Variants in RTN4 observed in about 807,000 individuals in gnomAD.
The protein encoded by RTN4 is reticulon 4, also known as reticulon-4.
RTN4 carries 32 observed loss-of-function variants against 90.4 expected under a neutral mutation model. That is an observed-to-expected ratio of 0.35 (90% CI 0.27 to 0.48). The LOEUF is 0.48. RTN4 is among the 20% of genes least tolerant of loss of function. The probability of loss-of-function intolerance (pLI) is 0.99; values close to 1 mark genes in which losing one functional copy is unlikely to be tolerated. For missense variants in RTN4, 1,706 were observed against 1,430.2 expected (o/e 1.19, Z -3.11); for synonymous variants, 629 against 552.5 (o/e 1.14, Z -1.94).
chr2:54,987,605 A>G lies in RTN4; in HGVS notation c.3107T>C (p.Ile1036Thr). ...FLLLSLTVFS[I>T]VSVTAYIALA... is the part of the protein sequence containing the mutation. ...GGCAATGTAGGCTGTTACGCTCACA[A>G]TGCTGAATACTGTCAATGAAAGCAG... The change falls in exon 4 of 9, where the codon ATT becomes ACT. Residue 1036 changes from isoleucine (I) to threonine (T), a missense_variant. By Grantham distance (89) the Ile-to-Thr change is moderately conservative. Transcript: ENST00000337526. The G allele has an allele frequency of 6.2e-7, 1 of 1,614,142 alleles. No individual in the cohort carries two copies. The highest frequency in any genetic ancestry group is 8.5e-7 in the Non-Finnish European group (1 of 1,179,964).
chr2:55,063,452 A>G (rs1668335672), intron 2 of RTN4, among the ~76,000 whole-genome samples: 1 of 152,148 alleles, frequency 6.6e-6, no homozygotes, highest in South Asian at 2.1e-4. Context: ...CTGGAACTTA[A>G]TGACACCAGA....
intron 2 of RTN4, among the ~76,000 whole-genome samples, chr2:55,059,037 A>G (rs923711425): frequency 6.6e-6 from 1 of 152,068 alleles, no homozygotes; most frequent in Admixed American, 6.6e-5. Flanking sequence ...AGGTAGTGTG[A>G]TACCTAGAGA....
intron 1 of RTN4, among the ~76,000 whole-genome samples, chr2:55,107,403 C>CAAAAAAAAAAA (rs35664699): frequency 9.9e-6 from 1 of 101,234 alleles, no homozygotes; most frequent in Non-Finnish European, 1.9e-5. Context: ...GACTGAACCT[C>CAAAAAAAAAAA]AAAAAAAAAA....
the RTN4 span, among the ~76,000 whole-genome samples, chr2:55,136,648 T>C: frequency 6.6e-6 from 1 of 152,252 alleles, no homozygotes; most frequent in Non-Finnish European, 1.5e-5. Flanking sequence ...CATTCACCTC[T>C]TGCTGGGCAT....
At chr2:55,070,863 G>C (rs1431568252) in intron 2 of RTN4, among the ~76,000 whole-genome samples, 1 of 151,646 alleles carries the variant, frequency 6.6e-6, no homozygotes, top group Non-Finnish European at 1.5e-5. Context: ...TGCAAGCTCT[G>C]TCTCCCGGGT....
At chr2:55,006,592 A>C (rs965863546) in intron 3 of RTN4, among the ~76,000 whole-genome samples, 2 of 152,166 alleles carry the variant, frequency 1.3e-5, no homozygotes, top group African/African-American at 4.8e-5. Context: ...ATTGAGTTTT[A>C]ATGCTAGGAA....
chr2:55,042,168 T>G (rs1261490693), intron 1 of RTN4, among the ~76,000 whole-genome samples: 1 of 152,170 alleles, frequency 6.6e-6, no homozygotes, highest in African/African-American at 2.4e-5. Context: ...AGGGAAAAGG[T>G]ACCTTAACAG....
rs1678232339 is a variant in RTN4, at chr2:54,982,627, A to G, written c.3248T>C (p.Ile1083Thr). 6.2e-7 allele frequency: 1 copy of G among 1,610,970 alleles called. No individual in the cohort carries two copies. The highest frequency in any genetic ancestry group is 1.7e-5 in the Admixed American group (1 of 59,466). ...FRAYLESEVA[I>T]SEELVQKYSN... Reference sequence around the variant, plus strand: ...GTACTTCTGAACCAACTCCTCAGATATAGCAACTTCAGATTCCAGATATGC... The same window carrying G: ...GTACTTCTGAACCAACTCCTCAGATGTAGCAACTTCAGATTCCAGATATGC... Residue 1083 changes from isoleucine to threonine, a missense_variant, in exon 5 of 9, where the codon ATA (isoleucine) becomes ACA (threonine). Coordinates refer to ENST00000337526, the MANE Select transcript of RTN4 (RefSeq NM_020532.5).
intron 3 of RTN4, 104 bp from the exon 4 acceptor site, chr2:54,987,802 C>T (rs184759590): frequency 1.0e-4 from 96 of 919,658 alleles, no homozygotes; most frequent in African/African-American, 6.7e-4. Flanking sequence ...AAAATCAAAC[C>T]TAAAAATTTA....
At position 54,972,409 on chromosome 2, in the gene RTN4, G is replaced by GCAATGAAATTGA. The variant is rs1677120027; in HGVS notation, c.*735_*746dup. Reference sequence around the variant, plus strand: ...ACAAAATTAACTACAGTCAGTCTGTGCAATGAAATTGATGTTGGAGTTCTA... The same window carrying GCAATGAAATTGA: ...ACAAAATTAACTACAGTCAGTCTGTGCAATGAAATTGACAATGAAATTGATGTTGGAGTTCTA... On this transcript the variant is annotated 3_prime_UTR_variant, in exon 9 of 9. Coordinates refer to ENST00000337526, the MANE Select transcript of RTN4 (RefSeq NM_020532.5). 1 of 136,070 alleles carries GCAATGAAATTGA rather than the reference G, an allele frequency of 7.3e-6. No individual in the cohort carries two copies. Among genetic ancestry groups the GCAATGAAATTGA allele is most frequent in the African/African-American group, 2.5e-5 (1 of 40,542 alleles). The allele number at this position is 136,070 out of a possible 1,614,324, so 8.4% of individuals were successfully genotyped here. A position where few individuals can be genotyped will look rare whatever the true frequency, so the allele number is the denominator to read the frequency against.
intron 3 of RTN4, among the ~76,000 whole-genome samples, chr2:55,006,568 T>G (rs1558794951): frequency 6.6e-6 from 1 of 152,162 alleles, no homozygotes; most frequent in East Asian, 1.9e-4. Flanking sequence ...TAGTTTGTCT[T>G]GAGATATAAT....
At position 55,027,496 on chromosome 2, in the gene RTN4, G is replaced by A; in HGVS notation, c.614-11C>T. ...TCAAGTCCATATTTTCTGTGACCAT[G>A]GACAGAAAGGAAAGTTAGAGAATGC... On this transcript the variant is annotated splice_polypyrimidine_tract_variant and intron_variant, in intron 2 of 8. Coordinates refer to ENST00000337526, the MANE Select transcript of RTN4 (RefSeq NM_020532.5). The A allele has an allele frequency of 3.2e-6, 5 of 1,579,656 alleles. No individual in the cohort carries two copies. The highest frequency in any genetic ancestry group is 2.2e-5 in the East Asian group (1 of 44,650).
At position 55,063,849 on chromosome 2, in the gene RTN4, C is replaced by A. The variant is rs1029422348; in HGVS notation, c.-63+16640G>T. ...TGAGCGGAGACTGGGCACTGTACTCCAGCCTGGGCAACAGGGGGAGACAGT... is the reference window on the plus strand; with the variant it reads ...TGAGCGGAGACTGGGCACTGTACTCAAGCCTGGGCAACAGGGGGAGACAGT... On this transcript the variant is annotated intron_variant, in intron 2 of 3. Coordinates refer to the RTN4 transcript ENST00000427710. Among the ~76,000 whole-genome samples the A allele has an allele frequency of 9.9e-5, 15 of 151,512 alleles. 1 individual carries two copies. Among genetic ancestry groups the A allele is most frequent in the Admixed American group, 9.9e-4 (15 of 15,216 alleles).
chr2:55,083,549 T>C (rs1668774912), intron 1 of RTN4, among the ~76,000 whole-genome samples: 2 of 152,100 alleles, frequency 1.3e-5, no homozygotes, highest in Non-Finnish European at 2.9e-5. Flanking sequence ...TGATTTAAAC[T>C]ATGATTAAAA....
At chr2:55,129,104 C>A in the RTN4 span, among the ~76,000 whole-genome samples, 2 of 131,440 alleles carry the variant, frequency 1.5e-5, no homozygotes, top group African/African-American at 5.9e-5. Flanking sequence ...AGCAAGACTC[C>A]GTCTCAAAAA....
At chr2:55,035,063 C>T (rs564746155) in intron 1 of RTN4, among the ~76,000 whole-genome samples, 21 of 151,920 alleles carry the variant, frequency 1.4e-4, no homozygotes, top group Non-Finnish European at 2.6e-4. Flanking sequence ...GAAGAAGAAA[C>T]AAAAGAAGAA....
chr2:55,135,837 C>T, the RTN4 span, among the ~76,000 whole-genome samples: 1 of 152,088 alleles, frequency 6.6e-6, no homozygotes, highest in Non-Finnish European at 1.5e-5. Context: ...TTTTTTACTG[C>T]TTTAACTTAG....
intron 3 of RTN4, among the ~76,000 whole-genome samples, chr2:54,998,239 G>C (rs955078540): frequency 3.5e-5 from 5 of 142,584 alleles, no homozygotes; most frequent in African/African-American, 1.3e-4. Context: ...CTTTTTTTGG[G>C]AGGGGGGTGA....
chr2:55,081,947 A>G (rs1668728918), intron 1 of RTN4, among the ~76,000 whole-genome samples: 1 of 151,932 alleles, frequency 6.6e-6, no homozygotes, highest in African/African-American at 2.4e-5. Context: ...TTTTTATCAA[A>G]TATGATGAAA....
Sources: gnomAD v4.1 joint callset for allele counts (sites outside exome capture counted in the v4.1 genomes callset) on GRCh38, gnomAD v4.1.1 for gene constraint, MANE v1.5 for transcripts, NCBI Gene and HGNC (gene_info 2026-07-23, HGNC 2026-07-21) for gene names.